The following PHC3 variants were observed in gnomAD, a reference collection of about 807,000 sequenced individuals.
PHC3 encodes polyhomeotic homolog 3.
PHC3 carries 13 observed loss-of-function variants against 107.4 expected under a neutral mutation model. The ratio of observed to expected loss-of-function variants is 0.12; its 90% confidence interval spans 0.08 to 0.19. The LOEUF (loss-of-function observed/expected upper bound fraction) is 0.19, where lower values mean the gene tolerates loss of function less well. PHC3 is among the 10% of genes least tolerant of loss of function. PHC3 has a pLI of 1.00. For missense variants in PHC3, 992 were observed against 1,210.9 expected, an observed-to-expected ratio of 0.82 and a Z score of 2.68; for synonymous variants, 456 against 427.4, an observed-to-expected ratio of 1.07 and a Z score of -0.83.
chr3:170,150,537 A>AAAAAAAAATT (rs1725746135), intron 4 of PHC3: 1 of 168,272 alleles, frequency 5.9e-6, no homozygotes, highest in Admixed American at 6.4e-5. Context: ...CTACTAAAAA[A>AAAAAAAAATT]AAAAAAAAAA....
chr3:170,116,016 AT>A, intron 10 of PHC3, among the ~76,000 whole-genome samples: 1 of 152,228 alleles, frequency 6.6e-6, no homozygotes, highest in East Asian at 1.9e-4. Context: ...AATTTTTCAT[AT>A]TTTTATATAT....
At chr3:170,113,757 T>C (rs934248637) in intron 10 of PHC3, among the ~76,000 whole-genome samples, 10 of 152,212 alleles carry the variant, frequency 6.6e-5, no homozygotes, top group African/African-American at 2.4e-4. Flanking sequence ...ATGGAACCTA[T>C]TGTCTGAGTT....
In PHC3 at chr3:170,102,833, T is replaced by A; in HGVS notation, c.2570A>T (p.Asp857Val). Reference protein sequence around the residue: ...GHRGRRPSGPDGAAREHILRQ... With the variant: ...GHRGRRPSGPVGAAREHILRQ... Reference sequence around the variant, plus strand: ...AAGGATATGTTCTCTCGCTGCCCCATCAGGGCCACTTGGACGACGGCCACG... The same window carrying A: ...AAGGATATGTTCTCTCGCTGCCCCAACAGGGCCACTTGGACGACGGCCACG... The change falls in exon 13 of 15, where the codon GAT becomes GTT. Residue 857 changes from aspartate to valine, a missense_variant. This residue lies in a region of PHC3 where 228 missense variants were observed against 288.8 expected (regional missense o/e 0.79). Coordinates refer to ENST00000495893, the MANE Select transcript of PHC3 (RefSeq NM_024947.4). 1 of 1,613,942 alleles carries A rather than the reference T, an allele frequency of 6.2e-7. No homozygotes were observed. The highest frequency in any genetic ancestry group is 8.5e-7 in the Non-Finnish European group (1 of 1,179,850).
intron 10 of PHC3, among the ~76,000 whole-genome samples, chr3:170,116,865 C>T (rs141751662): frequency 0.012 from 1,851 of 149,810 alleles, 41 homozygotes; most frequent in African/African-American, 0.043. Flanking sequence ...GAGCCATGAT[C>T]GCACCACTGC....
At chr3:170,155,148 T>C (rs1726686691) in intron 4 of PHC3, among the ~76,000 whole-genome samples, 1 of 152,194 alleles carries the variant, frequency 6.6e-6, no homozygotes, top group South Asian at 2.1e-4. Context: ...CCCAACTACC[T>C]GTTAATGTCC....
chr3:170,147,327 A>G (rs908808292), intron 5 of PHC3: 1 of 152,040 alleles, frequency 6.6e-6, no homozygotes, highest in Non-Finnish European at 1.5e-5. Flanking sequence ...TAAAATGTTC[A>G]ACCAAATGCG....
chr3:170,128,674 A>G lies in PHC3; in HGVS notation c.1788+10T>C. The G allele has an allele frequency of 6.2e-7, 1 of 1,610,278 alleles. No homozygotes were observed. The highest frequency in any genetic ancestry group is 8.5e-7 in the Non-Finnish European group (1 of 1,177,960). ...TCAGCAAGAAAGTCAAAGAGCTTCC[A>G]AGGGCTTACCACTGGTGGATCAACA... On this transcript the variant is annotated intron_variant, in intron 8 of 14. Coordinates refer to ENST00000495893, the MANE Select transcript of PHC3 (RefSeq NM_024947.4).
intron 7 of PHC3, among the ~76,000 whole-genome samples, chr3:170,135,975 G>T (rs1723006828): frequency 6.6e-6 from 1 of 152,064 alleles, no homozygotes; most frequent in Non-Finnish European, 1.5e-5. Flanking sequence ...GGCAGAAAAA[G>T]ACAACAACAT....
At chr3:170,155,451 T>C (rs1321222299) in intron 4 of PHC3, among the ~76,000 whole-genome samples, 2 of 152,242 alleles carry the variant, frequency 1.3e-5, no homozygotes, top group African/African-American at 4.8e-5. Flanking sequence ...CCAGGCATAG[T>C]GGCTCATGCC....
At position 170,096,195 on chromosome 3, in the gene PHC3, TTC is replaced by T. The variant is rs567657979; in HGVS notation, c.*1033_*1034del. 1.1e-4 allele frequency: 16 copies of T among 151,560 alleles called. No homozygotes were observed. The highest frequency in any genetic ancestry group is 2.4e-4 in the Non-Finnish European group (16 of 68,018). 9.4% of individuals were successfully genotyped at this position (151,560 alleles called of 1,614,324 possible). On this transcript the variant is annotated 3_prime_UTR_variant, in exon 15 of 15. Transcript: ENST00000495893. ...TTATAGGACAATTTGTAGATTTTTTTTCTTTTTCTAGTATGATTAAACTAGAA... is the reference window on the plus strand; with the variant it reads ...TTATAGGACAATTTGTAGATTTTTTTTTTTTCTAGTATGATTAAACTAGAA...
intron 12 of PHC3, 147 bp from the exon 13 acceptor site, chr3:170,103,081 G>T: frequency 1.2e-6 from 1 of 837,038 alleles, no homozygotes; most frequent in Non-Finnish European, 1.8e-6. Context: ...TAACTACACT[G>T]TTCAATGGAT....
chr3:170,167,206 T>C (rs537907388), intron 4 of PHC3, among the ~76,000 whole-genome samples: 1 of 152,270 alleles, frequency 6.6e-6, no homozygotes, highest in Admixed American at 6.5e-5. Context: ...TGGAGTGCAA[T>C]GGTATGATCT....
At chr3:170,142,602 G>C (rs996334118) in intron 6 of PHC3, among the ~76,000 whole-genome samples, 1 of 152,166 alleles carries the variant, frequency 6.6e-6, no homozygotes, top group East Asian at 1.9e-4. Flanking sequence ...ATAAATGACT[G>C]AAGTAGGAGC....
At position 170,117,412 on chromosome 3, in the gene PHC3, G is replaced by A. The variant is rs375911062; in HGVS notation, c.2007C>T (p.Pro669=). ...SASVIKSPSD[P]SHVSVPPPPL... ...GAGGTGGTGGAACAGAAACATGTGA[G>A]GGATCTGATGGAGATTTAATTACTG... Residue 669 remains proline, a synonymous_variant, in exon 10 of 15, where the codon CCC becomes CCT. Coordinates refer to ENST00000495893, the MANE Select transcript of PHC3 (RefSeq NM_024947.4). 59 of 1,613,816 alleles carry A rather than the reference G, an allele frequency of 3.7e-5. 1 individual carries two copies. Among genetic ancestry groups the A allele is most frequent in the African/African-American group, 3.2e-4 (24 of 75,010 alleles).
chr3:170,108,294 T>C (rs972191273), intron 11 of PHC3, among the ~76,000 whole-genome samples: 2 of 152,156 alleles, frequency 1.3e-5, no homozygotes, highest in African/African-American at 2.4e-5. Flanking sequence ...AATGTAGACA[T>C]GGGTGGCATG....
rs1204738719 is a variant in PHC3 at position 170,096,130 on chromosome 3, ACTTT to A, written c.*1096_*1099del. ...TGAAAGATAATCAGAATGAATTAGT[ACTTT>A]CTGAGAGTTAAATTATTTGCATGTT... On this transcript the variant is annotated 3_prime_UTR_variant, in exon 15 of 15. Transcript: ENST00000495893. 9.2e-5 allele frequency: 14 copies of A among 152,184 alleles called. No homozygotes were observed. The highest frequency in any genetic ancestry group is 3.1e-4 in the African/African-American group (13 of 41,452). The allele number at this position is 152,184 out of a possible 1,614,324, so 9.4% of individuals were successfully genotyped here.
chr3:170,178,646 A>T, intron 2 of PHC3, 127 bp downstream of exon 2: 2 of 1,036,060 alleles, frequency 1.9e-6, no homozygotes, highest in Non-Finnish European at 1.5e-6. Flanking sequence ...GGATTGAGAC[A>T]GTTGATTGAA....
At chr3:170,148,076 C>T (rs1325083436) in intron 5 of PHC3, 1 of 152,156 alleles carries the variant, frequency 6.6e-6, no homozygotes, top group Non-Finnish European at 1.5e-5. Flanking sequence ...TGAGACCAGC[C>T]AGGCCAAGAT....
chr3:170,144,852 C>A (rs188703836), intron 6 of PHC3, among the ~76,000 whole-genome samples: 1 of 152,160 alleles, frequency 6.6e-6, no homozygotes, highest in Admixed American at 6.5e-5. Flanking sequence ...ATTACAGCAG[C>A]GCAGCACCAC....
Sources: allele counts gnomAD v4.1 joint callset (sites outside exome capture counted in the v4.1 genomes callset), GRCh38; gene constraint gnomAD v4.1.1; regional missense constraint gnomAD v4.1.1; transcripts MANE v1.5; gene names NCBI Gene and HGNC (gene_info 2026-07-23, HGNC 2026-07-21).